Variants in ZNF335 observed in about 807,000 individuals in gnomAD.
ZNF335 encodes zinc finger protein 335.
In ZNF335, 84 loss-of-function variants were observed where a neutral mutation model predicts 145.6. The observed-to-expected ratio is 0.58, with a 90% CI of 0.48 to 0.69. The LOEUF (loss-of-function observed/expected upper bound fraction) is 0.69, where lower values mean the gene tolerates loss of function less well. Among genes scored for constraint, ZNF335 ranks in the 30% least tolerant of loss-of-function variants. ZNF335 has a pLI of 0.00. For missense variants in ZNF335, 1,865 were observed against 1,809.7 expected (o/e 1.03, Z -0.55); for synonymous variants, 761 against 717.0 (o/e 1.06, Z -0.98).
intron 13 of ZNF335, 29 bp downstream of exon 13, chr20:45,960,420 C>T (rs751648852): frequency 2.4e-5 from 39 of 1,613,774 alleles, no homozygotes; most frequent in African/African-American, 1.2e-4. Flanking sequence ...GGACTGCTCC[C>T]GTCCCCAGGG....
Position 45,967,544 on chromosome 20 carries a change from TC to T in ZNF335, c.904del (p.Glu302ArgfsTer8). ...GTCTACAATGTCATCATCGTCCTCCTCCTCTGGTCCCTCTTCCTCTTGGCTC... is the reference window on the plus strand; with the variant it reads ...GTCTACAATGTCATCATCGTCCTCCTCTCTGGTCCCTCTTCCTCTTGGCTC... Reference protein sequence around the residue: ...TKSQEEEGPEEEDDDDIVDAG... With the variant: ...TKSQEEEGPEXEDDDDIVDAG... On this transcript the variant is annotated frameshift_variant, in exon 6 of 28. Coordinates refer to ENST00000322927, the MANE Select transcript of ZNF335 (RefSeq NM_022095.4). LOFTEE classifies it high-confidence loss of function. The T allele has an allele frequency of 6.2e-7, 1 of 1,613,892 alleles. No individual in the cohort carries two copies. Among genetic ancestry groups the T allele is most frequent in the Non-Finnish European group, 8.5e-7 (1 of 1,179,958 alleles).
In ZNF335 at chr20:45,972,172, G is replaced by C. The variant is rs2145428313; in HGVS notation, c.-101C>G. On this transcript the variant is annotated 5_prime_UTR_variant, in exon 1 of 28. Coordinates refer to ENST00000322927, the MANE Select transcript of ZNF335 (RefSeq NM_022095.4). ...CTCTGACTCCGGCATCGACGAGGTC[G>C]CCATCCTCTTTCCTCCGCTGCGGAG... 1 of 1,289,448 alleles carries C rather than the reference G, an allele frequency of 7.8e-7. No homozygotes were observed. The highest frequency in any genetic ancestry group is 5.6e-5 in the East Asian group (1 of 17,964). 79.9% of individuals were successfully genotyped at this position (1,289,448 alleles called of 1,614,324 possible).
chr20:45,964,892 G>A (rs1013583257), intron 7 of ZNF335, among the ~76,000 whole-genome samples: 3 of 151,992 alleles, frequency 2.0e-5, no homozygotes, highest in Admixed American at 1.3e-4. Context: ...TTAAGTCGGT[G>A]TGGTGGTGGG....
At position 45,957,667 on chromosome 20, in the gene ZNF335, C is replaced by T. The variant is rs772129409; in HGVS notation, c.2361G>A (p.Ser787=). The stretch of plus-strand genomic sequence containing the variant: ...AGGCTGTCTGCGTGGCCATCGCTGT[C>T]GACTCCTCAGCTCCTGGGTGGGGTG... The part of the protein sequence containing the change: ...TIIYQQGAEE[S]TAMATQTALD... The change falls in exon 17 of 28, where the codon TCG becomes TCA. Residue 787 remains serine (S), a synonymous_variant. Coordinates refer to ENST00000322927, the MANE Select transcript of ZNF335 (RefSeq NM_022095.4). 9.3e-6 allele frequency: 15 copies of T among 1,614,026 alleles called. 1 individual carries two copies. Among genetic ancestry groups the T allele is most frequent in the Middle Eastern group, 1.6e-4 (1 of 6,084 alleles).
At chr20:45,968,179 A>T in intron 4 of ZNF335, 106 bp downstream of exon 4, 1 of 1,496,104 alleles carries the variant, frequency 6.7e-7, no homozygotes, top group Non-Finnish European at 9.2e-7. Context: ...GACCCAGAGC[A>T]GTGGATACCC....
Position 45,953,965 on chromosome 20 carries a change from G to A in ZNF335, c.2443-17C>T. The A allele has an allele frequency of 6.4e-7, 1 of 1,563,652 alleles. No individual in the cohort carries two copies. The highest frequency in any genetic ancestry group is 2.3e-5 in the East Asian group (1 of 42,616). On this transcript the variant is annotated splice_polypyrimidine_tract_variant and intron_variant, in intron 17 of 27. Coordinates refer to ENST00000322927, the MANE Select transcript of ZNF335 (RefSeq NM_022095.4). ...CACAGCCACCTGCAACGGCACCAGG[G>A]GGCGGGATGGGAGGCACTGGTGGCA...
rs747960314 is a variant in ZNF335, at chr20:45,963,541, C to A, written c.1465G>T (p.Ala489Ser). 7 of 1,614,080 alleles carry A rather than the reference C, an allele frequency of 4.3e-6. No homozygotes were observed. The Admixed American group carries it at 1.0e-4, about 23-fold the overall frequency. ...CACTTGAAGAGCTGGGGATCGCCAG[C>A]CTCATGGGAGTTGACGTGGAAGCGC... ...DLRFHVNSHE[A>S]GDPQLFKCLQ... Residue 489 changes from alanine (A) to serine (S), a missense_variant, in exon 9 of 28, where the codon GCT becomes TCT. Transcript: ENST00000322927.
intron 6 of ZNF335, 150 bp downstream of exon 6, chr20:45,967,344 G>T: frequency 8.2e-7 from 1 of 1,219,090 alleles, no homozygotes; most frequent in Non-Finnish European, 1.2e-6. Context: ...AGAAGTCCTG[G>T]TCCCAGAGCA....
chr20:45,962,040 T>TG, intron 10 of ZNF335, 30 bp downstream of exon 10: 1 of 1,481,336 alleles, frequency 6.8e-7, no homozygotes, highest in Non-Finnish European at 9.4e-7. Context: ...TGGCCTCTCT[T>TG]GCCCAGGTCC....
intron 6 of ZNF335, among the ~76,000 whole-genome samples, chr20:45,966,388 A>C (rs763920315): frequency 2.8e-4 from 43 of 150,886 alleles, no homozygotes; most frequent in Non-Finnish European, 1.3e-4. Context: ...AAAACTCACC[A>C]GTAATTGTTA....
intron 10 of ZNF335, 79 bp downstream of exon 10, chr20:45,961,991 A>C: frequency 8.1e-7 from 1 of 1,229,982 alleles, no homozygotes. Context: ...GGTAAGTGGG[A>C]ACCATGGTTA....
chr20:45,965,007 G>A (rs564575649), intron 7 of ZNF335, among the ~76,000 whole-genome samples: 1 of 149,572 alleles, frequency 6.7e-6, no homozygotes, highest in Non-Finnish European at 1.5e-5. Flanking sequence ...CTCCAGCCCG[G>A]GCAAGAGTGA....
In ZNF335 at chr20:45,949,518, T is replaced by C. The variant is rs763575505; in HGVS notation, c.3720A>G (p.Glu1240=). The change falls in exon 25 of 28, where the codon GAA becomes GAG. Residue 1240 remains glutamate, a synonymous_variant. Transcript: ENST00000322927. ...QDGVQHLLPQ[E]YVVVPEGHHI... ...GATGGCCTTCAGGGACCACAACATA[T>C]TCCTGGGGGAGCAGGTGCTGGACAC... The C allele has an allele frequency of 1.7e-5, 27 of 1,613,440 alleles. No individual in the cohort carries two copies. In the Admixed American group the frequency reaches 2.7e-4, roughly 16 times the overall value.
At chr20:45,951,986 A>C (rs1690794615) in intron 20 of ZNF335, among the ~76,000 whole-genome samples, 161 bp downstream of exon 20, 1 of 152,008 alleles carries the variant, frequency 6.6e-6, no homozygotes, top group Non-Finnish European at 1.5e-5. Flanking sequence ...CACCAGACCA[A>C]CTCCCTGAGA....
chr20:45,965,769 T>C lies in ZNF335; in HGVS notation c.961A>G (p.Ser321Gly), dbSNP rs2083941425. Reference protein sequence around the residue: ...AGAIDDLEEDSDYNPAEDEPR... With the variant: ...AGAIDDLEEDGDYNPAEDEPR... ...TCATCCTCAGCTGGATTATAGTCGCTATCCTCTGTGGGGGACAGTAAAGTT... is the reference window on the plus strand; with the variant it reads ...TCATCCTCAGCTGGATTATAGTCGCCATCCTCTGTGGGGGACAGTAAAGTT... The change falls in exon 7 of 28, where the codon AGC becomes GGC. Residue 321 changes from serine (S) to glycine (G), a missense_variant. By Grantham distance (56) the Ser-to-Gly change is moderately conservative (BLOSUM62 0). Transcript: ENST00000322927. 6.2e-7 allele frequency: 1 copy of C among 1,603,200 alleles called. No individual in the cohort carries two copies. The highest frequency in any genetic ancestry group is 1.4e-5 in the African/African-American group (1 of 73,806).
chr20:45,969,414 C>A (rs1397559728), intron 3 of ZNF335, 37 bp downstream of exon 3: 1 of 1,475,612 alleles, frequency 6.8e-7, no homozygotes, highest in East Asian at 2.3e-5. Flanking sequence ...CCGGACACTG[C>A]AGGAAAACCC....
rs771608284 is a variant in ZNF335, at chr20:45,950,391, T to C, written c.3333-18A>G. ...GGTTGAAACTGAGGGGGATGAAAGGTGGCTCAGGTTAGCTCCACCATACAT... is the reference window on the plus strand; with the variant it reads ...GGTTGAAACTGAGGGGGATGAAAGGCGGCTCAGGTTAGCTCCACCATACAT... On this transcript the variant is annotated intron_variant, in intron 21 of 27. Transcript: ENST00000322927. 6.2e-7 allele frequency: 1 copy of C among 1,606,750 alleles called. No individual in the cohort carries two copies. Among genetic ancestry groups the C allele is most frequent in the African/African-American group, 1.3e-5 (1 of 74,758 alleles).
chr20:45,966,319 C>A (rs2083951994), intron 6 of ZNF335, among the ~76,000 whole-genome samples: 1 of 151,842 alleles, frequency 6.6e-6, no homozygotes, highest in South Asian at 2.1e-4. Flanking sequence ...ACCTTGTGAT[C>A]CATCTGCCTC....
intron 24 of ZNF335, 80 bp from the exon 25 acceptor site, chr20:45,949,648 G>C: frequency 6.8e-7 from 1 of 1,480,484 alleles, no homozygotes; most frequent in Non-Finnish European, 9.2e-7. Context: ...AGGCAGAGTG[G>C]AAGACTAGGA....
Sources: gnomAD v4.1 joint callset for allele counts (sites outside exome capture counted in the v4.1 genomes callset) on GRCh38, gnomAD v4.1.1 for gene constraint, MANE v1.5 for transcripts, NCBI Gene and HGNC (gene_info 2026-07-23, HGNC 2026-07-21) for gene names.